NPR3: variants seen among roughly 807,000 people sequenced by gnomAD.
NPR3 encodes the protein natriuretic peptide receptor 3.
NPR3 carries 34 observed loss-of-function variants against 54.5 expected under a neutral mutation model. The ratio of observed to expected loss-of-function variants is 0.62; its 90% CI spans 0.47 to 0.83. The LOEUF is 0.83. NPR3 is among the 40% of genes least tolerant of loss of function. The pLI is 0.00. For missense variants in NPR3, 674 were observed against 720.8 expected, an observed-to-expected ratio of 0.94 and a Z score of 0.74; for synonymous variants, 289 against 297.1, an observed-to-expected ratio of 0.97 and a Z score of 0.28.
upstream of NPR3, chr5:32,709,828 C>G (rs1738118665): frequency 8.5e-6 from 1 of 117,060 alleles, no homozygotes; most frequent in Non-Finnish European, 1.8e-5. Context: ...AACCAGAGCG[C>G]GTTAAAGGCC....
intron 3 of NPR3, among the ~76,000 whole-genome samples, chr5:32,773,914 C>T (rs1461334528): frequency 1.3e-5 from 2 of 152,170 alleles, no homozygotes; most frequent in Non-Finnish European, 2.9e-5. Flanking sequence ...AAGAACAAAG[C>T]TCAAAGAGAT....
intron 1 of NPR3, among the ~76,000 whole-genome samples, chr5:32,717,921 G>C (rs932969012): frequency 3.3e-5 from 5 of 152,198 alleles, no homozygotes; most frequent in African/African-American, 1.2e-4. Flanking sequence ...CAGTCATGAA[G>C]TCCTTGCCCA....
intron 1 of NPR3, among the ~76,000 whole-genome samples, chr5:32,722,528 A>G (rs1198569808): frequency 6.6e-6 from 1 of 152,170 alleles, no homozygotes; most frequent in African/African-American, 2.4e-5. Context: ...TCTACTCTCT[A>G]TATGTTGACA....
At chr5:32,750,643 G>C (rs930406226) in intron 3 of NPR3, among the ~76,000 whole-genome samples, 4 of 152,072 alleles carry the variant, frequency 2.6e-5, no homozygotes, top group Non-Finnish European at 5.9e-5. Context: ...GGTGGGGTGG[G>C]GAATAATCTT....
chr5:32,743,437 G>A (rs1268430648), intron 3 of NPR3, among the ~76,000 whole-genome samples: 2 of 152,068 alleles, frequency 1.3e-5, no homozygotes, highest in Non-Finnish European at 2.9e-5. Context: ...TTTATTCTGT[G>A]TAGATTTGAG....
chr5:32,722,214 G>A lies in NPR3; in HGVS notation c.770-2484G>A, dbSNP rs76687567. 9.3e-3 allele frequency among the ~76,000 whole-genome samples: 1,412 copies of A among 152,234 alleles called. 51 individuals carry two copies. The East Asian group carries it at 0.1, about 11-fold the overall frequency. On this transcript the variant is annotated intron_variant, in intron 1 of 7. Coordinates refer to ENST00000265074, the MANE Select transcript of NPR3 (RefSeq NM_001204375.2). The stretch of plus-strand genomic sequence containing the variant: ...AAAGTTTAGGAAAGCTTGTCCTCTG[G>A]TCCTTGGACCCTGGCTGTTTGGTCC...
intron 1 of NPR3, among the ~76,000 whole-genome samples, chr5:32,702,449 C>T (rs1737848921): frequency 7.4e-6 from 1 of 134,734 alleles, no homozygotes; most frequent in Admixed American, 8.1e-5. Flanking sequence ...GTGATGTTCC[C>T]CTTCCTGTGT....
intron 1 of NPR3, among the ~76,000 whole-genome samples, chr5:32,718,141 G>T (rs1464797864): frequency 6.6e-6 from 1 of 151,678 alleles, no homozygotes; most frequent in Non-Finnish European, 1.5e-5. Context: ...CATTTCATCA[G>T]ATGGTTGTAG....
chr5:32,722,986 G>T (rs1233087057), intron 1 of NPR3, among the ~76,000 whole-genome samples: 1 of 152,018 alleles, frequency 6.6e-6, no homozygotes. Flanking sequence ...CCCTTTTGGG[G>T]TATGAAATGT....
At chr5:32,695,330 T>C (rs1249671048) in intron 1 of NPR3, among the ~76,000 whole-genome samples, 1 of 152,218 alleles carries the variant, frequency 6.6e-6, no homozygotes, top group African/African-American at 2.4e-5. Flanking sequence ...AGTGGCACGA[T>C]CTCGGCACAC....
chr5:32,779,280 A>C (rs949093242), intron 4 of NPR3, among the ~76,000 whole-genome samples: 1 of 152,214 alleles, frequency 6.6e-6, no homozygotes. Context: ...TAAGAATTAC[A>C]CTGAACTCTC....
intron 3 of NPR3, among the ~76,000 whole-genome samples, chr5:32,765,088 A>G (rs1215863575): frequency 6.6e-6 from 1 of 152,176 alleles, no homozygotes. Flanking sequence ...GCTGAGAAGC[A>G]TATTGTTACT....
intron 1 of NPR3, among the ~76,000 whole-genome samples, chr5:32,719,785 G>GT (rs201377152): frequency 0.026 from 2,347 of 91,098 alleles, 77 homozygotes; most frequent in African/African-American, 0.074. Flanking sequence ...CTATGTTGTT[G>GT]TTGTTTTTTT....
intron 4 of NPR3, among the ~76,000 whole-genome samples, chr5:32,779,358 G>A (rs1742222127): frequency 6.6e-6 from 1 of 152,198 alleles, no homozygotes; most frequent in Admixed American, 6.5e-5. Flanking sequence ...CTTATTTAGT[G>A]AATGAAAATT....
At chr5:32,732,363 TA>T (rs953521412) in intron 2 of NPR3, among the ~76,000 whole-genome samples, 1 of 145,828 alleles carries the variant, frequency 6.9e-6, no homozygotes, top group Non-Finnish European at 1.5e-5. Flanking sequence ...ACACAACAGG[TA>T]AAAAGAGACC....
In NPR3 at chr5:32,697,445, CT is replaced by C. The variant is rs56946705; in HGVS notation, c.100+8271del. Among the ~76,000 whole-genome samples, 592 of 145,636 alleles carry C rather than the reference CT, an allele frequency of 4.1e-3. 1 individual carries two copies. Among genetic ancestry groups the C allele is most frequent in the African/African-American group, 0.012 (486 of 39,742 alleles). On this transcript the variant is annotated intron_variant, in intron 1 of 5. Transcript: ENST00000509104. Reference sequence around the variant, plus strand: ...GAGATATTGGCCTGTAGTTTTCTTTCTTTTTTTTTTTTGATATGTCTTTTTC... The same window carrying C: ...GAGATATTGGCCTGTAGTTTTCTTTCTTTTTTTTTTTGATATGTCTTTTTC...
In NPR3 at chr5:32,712,102, G is replaced by A. The variant is rs1738277915; in HGVS notation, c.326G>A (p.Gly109Glu). ...FQVAYEDSDCGNRALFSLVDR... is the reference protein window; with the variant it reads ...FQVAYEDSDCENRALFSLVDR... ...GTGGCTTACGAGGATTCAGACTGTG[G>A]GAACCGTGCGCTCTTCAGCTTGGTG... The change falls in exon 1 of 8, where the codon GGG becomes GAG. Residue 109 changes from glycine to glutamate, a missense_variant. Coordinates refer to ENST00000265074, the MANE Select transcript of NPR3 (RefSeq NM_001204375.2). The A allele has an allele frequency of 6.2e-7, 1 of 1,613,788 alleles. No individual in the cohort carries two copies. Among genetic ancestry groups the A allele is most frequent in the Non-Finnish European group, 8.5e-7 (1 of 1,179,798 alleles).
At chr5:32,755,770 A>T (rs1160734026) in intron 3 of NPR3, among the ~76,000 whole-genome samples, 1 of 152,176 alleles carries the variant, frequency 6.6e-6, no homozygotes, top group Non-Finnish European at 1.5e-5. Flanking sequence ...TTCTATACCT[A>T]CATTGCCGCA....
intron 1 of NPR3, among the ~76,000 whole-genome samples, chr5:32,695,567 C>T (rs981951244): frequency 6.6e-6 from 1 of 152,158 alleles, no homozygotes; most frequent in African/African-American, 2.4e-5. Flanking sequence ...CACGCCTGGC[C>T]CTCTATTTTT....
Sources: allele counts gnomAD v4.1 joint callset (sites outside exome capture counted in the v4.1 genomes callset), GRCh38; gene constraint gnomAD v4.1.1; transcripts MANE v1.5; gene names NCBI Gene and HGNC (gene_info 2026-07-23, HGNC 2026-07-21).